Variants in ZNF33B observed in about 807,000 individuals in gnomAD.
The protein encoded by ZNF33B is zinc finger protein 11b (KOX 2).
ZNF33B carries 29 observed loss-of-function variants against 45.8 expected under a neutral mutation model. The observed-to-expected ratio is 0.63, with a 90% CI of 0.47 to 0.86. ZNF33B has a LOEUF of 0.86. ZNF33B is among the 40% of genes least tolerant of loss of function. The pLI is 0.00. For missense variants in ZNF33B, 831 were observed against 909.9 expected (o/e 0.91, Z 1.12); for synonymous variants, 305 against 307.8 (o/e 0.99, Z 0.10).
At chr10:42,577,172 GGA>G (rs1370487083) in intron 1 of ZNF33B, among the ~76,000 whole-genome samples, 1 of 150,644 alleles carries the variant, frequency 6.6e-6, no homozygotes, top group Non-Finnish European at 1.5e-5. Flanking sequence ...AGTCCAGGCT[GGA>G]AGATGGCTAG....
chr10:42,595,883 T>C (rs1055956494), intron 4 of ZNF33B, among the ~76,000 whole-genome samples: 18 of 152,148 alleles, frequency 1.2e-4, no homozygotes, highest in Non-Finnish European at 2.1e-4. Context: ...CTACCCAGTC[T>C]GTTGAATTTT....
intron 4 of ZNF33B, among the ~76,000 whole-genome samples, chr10:42,617,996 T>C (rs900022863): frequency 6.6e-6 from 1 of 152,186 alleles, no homozygotes; most frequent in African/African-American, 2.4e-5. Flanking sequence ...AAATTCCTAA[T>C]GACAAGCAGC....
chr10:42,629,448 G>GT (rs757236696), intron 4 of ZNF33B, among the ~76,000 whole-genome samples: 4 of 152,282 alleles, frequency 2.6e-5, no homozygotes, highest in Non-Finnish European at 4.4e-5. Flanking sequence ...CTAAAAGAGT[G>GT]TAACTGGATT....
intron 1 of ZNF33B, among the ~76,000 whole-genome samples, chr10:42,638,259 G>A (rs1489076973): frequency 1.7e-4 from 26 of 152,254 alleles, no homozygotes; most frequent in Admixed American, 1.6e-3. Flanking sequence ...CCTACAAACA[G>A]GGCAACGCAC....
chr10:42,635,679 G>A (rs558519526), intron 2 of ZNF33B, among the ~76,000 whole-genome samples: 17 of 151,566 alleles, frequency 1.1e-4, no homozygotes, highest in Middle Eastern at 3.5e-3. Flanking sequence ...GCATGGTGGC[G>A]CATGCCTATA....
At chr10:42,580,186 G>A (rs7899665) in intron 1 of ZNF33B, among the ~76,000 whole-genome samples, 16,495 of 152,086 alleles carry the variant, frequency 0.11, 1,009 homozygotes, top group Admixed American at 0.16. Flanking sequence ...TATTGAGGAC[G>A]GTGAGGTCAG....
intron 4 of ZNF33B, chr10:42,614,173 G>A (rs1838218297): frequency 6.5e-6 from 1 of 154,656 alleles, no homozygotes; most frequent in Non-Finnish European, 1.5e-5. Flanking sequence ...GATATAATGT[G>A]ACAAAAAAGG....
chr10:42,635,551 T>C (rs750069737), intron 2 of ZNF33B, among the ~76,000 whole-genome samples: 2 of 152,052 alleles, frequency 1.3e-5, no homozygotes, highest in Non-Finnish European at 1.5e-5. Flanking sequence ...AAAATTAAAA[T>C]ATGTAATCCC....
intron 2 of ZNF33B, 117 bp downstream of exon 2, chr10:42,636,803 G>T: frequency 7.0e-7 from 1 of 1,433,372 alleles, no homozygotes; most frequent in South Asian, 1.2e-5. Flanking sequence ...GCTCCAGCCT[G>T]GGCGACAGAG....
At chr10:42,623,954 A>G (rs1168813424) in intron 4 of ZNF33B, among the ~76,000 whole-genome samples, 12 of 147,228 alleles carry the variant, frequency 8.2e-5, no homozygotes, top group Admixed American at 2.0e-4. Context: ...TTCAGCTGCC[A>G]TAACAAAATA....
rs1465214947 is a variant in ZNF33B, at chr10:42,638,484, C to T, written c.-55G>A. The stretch of plus-strand genomic sequence containing the variant: ...CCCGCGGAGGCTTACCTCACTCTCT[C>T]TTCGGGTTGCATTCGCCATAAGAGA... On this transcript the variant is annotated 5_prime_UTR_variant, in exon 1 of 5. Coordinates refer to ENST00000359467, the MANE Select transcript of ZNF33B (RefSeq NM_006955.3). 9 of 459,438 alleles carry T rather than the reference C, an allele frequency of 2.0e-5. No homozygotes were observed. Among genetic ancestry groups the T allele is most frequent in the Non-Finnish European group, 3.5e-5 (8 of 230,216 alleles). 28.5% of individuals were successfully genotyped at this position (459,438 alleles called of 1,614,324 possible).
At position 42,589,367 on chromosome 10, in the gene ZNF33B, CTGTT is replaced by C. The variant is rs1837011159; in HGVS notation, c.*3242_*3245del. On this transcript the variant is annotated 3_prime_UTR_variant, in exon 5 of 5. Coordinates refer to ENST00000359467, the MANE Select transcript of ZNF33B (RefSeq NM_006955.3). ...GGGTTTACTCTGTGTTTTCCGTTCA[CTGTT>C]TTCCATTCTCTGCATTTTGACAAAT... The C allele has an allele frequency of 7.0e-6, 1 of 142,986 alleles. No homozygotes were observed. Among genetic ancestry groups the C allele is most frequent in the Non-Finnish European group, 1.5e-5 (1 of 67,978 alleles). 8.9% of individuals were successfully genotyped at this position (142,986 alleles called of 1,614,324 possible). A position where few individuals can be genotyped will look rare whatever the true frequency, so the allele number is the denominator to read the frequency against.
chr10:42,580,479 C>T (rs1188576254), intron 1 of ZNF33B, among the ~76,000 whole-genome samples: 3 of 151,232 alleles, frequency 2.0e-5, no homozygotes, highest in Non-Finnish European at 2.9e-5. Flanking sequence ...CTCAAGTGAT[C>T]CCCCCACCTT....
At chr10:42,579,323 G>C (rs936218183) in intron 1 of ZNF33B, among the ~76,000 whole-genome samples, 1 of 152,154 alleles carries the variant, frequency 6.6e-6, no homozygotes, top group African/African-American at 2.4e-5. Context: ...AGTGAGCATA[G>C]AGCGCAACAG....
chr10:42,627,691 C>T (rs1838870039), intron 4 of ZNF33B, among the ~76,000 whole-genome samples: 1 of 152,166 alleles, frequency 6.6e-6, no homozygotes, highest in East Asian at 1.9e-4. Flanking sequence ...ACTGCTTTAG[C>T]TACCTCCCAC....
chr10:42,598,398 G>A (rs888510785), intron 4 of ZNF33B, among the ~76,000 whole-genome samples: 2 of 152,216 alleles, frequency 1.3e-5, no homozygotes, highest in Non-Finnish European at 2.9e-5. Context: ...TGCAACCAAT[G>A]CAGACAAAGG....
chr10:42,583,127 G>A (rs1193206559), intron 1 of ZNF33B: 6 of 781,856 alleles, frequency 7.7e-6, no homozygotes, highest in Non-Finnish European at 1.4e-5. Flanking sequence ...CAGGGGCCTG[G>A]GAGGGAGTAA....
rs1482543220 is a variant in ZNF33B, at chr10:42,590,885, A to AT, written c.*1727dup. 1.3e-5 allele frequency: 2 copies of AT among 152,004 alleles called. No homozygotes were observed. The highest frequency in any genetic ancestry group is 2.9e-5 in the Non-Finnish European group (2 of 68,258). 9.4% of individuals were successfully genotyped at this position (152,004 alleles called of 1,614,324 possible). A position where few individuals can be genotyped will look rare whatever the true frequency, so the allele number is the denominator to read the frequency against. On this transcript the variant is annotated 3_prime_UTR_variant, in exon 5 of 5. Coordinates refer to ENST00000359467, the MANE Select transcript of ZNF33B (RefSeq NM_006955.3). ...CAAAGAACAGTTTTGGGTTTTATTGATTTTCTCTTTTCAATTTCACTGATT... is the reference window on the plus strand; with the variant it reads ...CAAAGAACAGTTTTGGGTTTTATTGATTTTTCTCTTTTCAATTTCACTGATT...
intron 1 of ZNF33B, among the ~76,000 whole-genome samples, chr10:42,637,186 G>C (rs1168366913): frequency 1.3e-5 from 2 of 152,154 alleles, no homozygotes; most frequent in Admixed American, 1.3e-4. Flanking sequence ...TTGGGCACAA[G>C]ATTTTTCATC....
Sources: allele counts gnomAD v4.1 joint callset (sites outside exome capture counted in the v4.1 genomes callset), GRCh38; gene constraint gnomAD v4.1.1; transcripts MANE v1.5; gene names NCBI Gene and HGNC (gene_info 2026-07-23, HGNC 2026-07-21).